The following GNPDA2 variants were observed in gnomAD, a reference collection of about 807,000 sequenced individuals.
GNPDA2 encodes glcN6P deaminase 2.
In GNPDA2, 24 loss-of-function variants were observed where a neutral mutation model predicts 27.0. The ratio of observed to expected loss-of-function variants is 0.89; its 90% CI spans 0.64 to 1.25. The LOEUF (loss-of-function observed/expected upper bound fraction) is 1.25. Ranked by LOEUF, GNPDA2 falls within the 50% of genes most tolerant of loss-of-function variation. GNPDA2 has a pLI of 0.00. For missense variants in GNPDA2, 286 were observed against 335.1 expected, an observed-to-expected ratio of 0.85 and a Z score of 1.14; for synonymous variants, 94 against 108.4, an observed-to-expected ratio of 0.87 and a Z score of 0.83.
At chr4:44,705,080 C>G (rs567741353) in intron 6 of GNPDA2, 1 of 984,800 alleles carries the variant, frequency 1.0e-6, no homozygotes, top group South Asian at 4.7e-5. Context: ...TCTAGTTAAC[C>G]TAGATCTTAT....
chr4:44,721,474 C>T (rs189011990), intron 2 of GNPDA2, among the ~76,000 whole-genome samples: 1,650 of 152,000 alleles, frequency 0.011, 9 homozygotes, highest in Middle Eastern at 0.027. Flanking sequence ...AAATAAAGTG[C>T]CATAAGATCA....
chr4:44,714,942 T>C (rs1717184165), intron 4 of GNPDA2, among the ~76,000 whole-genome samples: 1 of 152,160 alleles, frequency 6.6e-6, no homozygotes, highest in Non-Finnish European at 1.5e-5. Flanking sequence ...AAAATATATT[T>C]GGGAGCGGGG....
intron 6 of GNPDA2, chr4:44,703,729 G>A (rs982852200): frequency 8.1e-6 from 8 of 983,066 alleles, no homozygotes; most frequent in Middle Eastern, 5.2e-4. Flanking sequence ...TTTTAAATCC[G>A]GTAGATTATA....
intron 2 of GNPDA2, 109 bp downstream of exon 2, chr4:44,721,975 G>T: frequency 2.5e-6 from 2 of 801,192 alleles, no homozygotes; most frequent in South Asian, 3.7e-5. Flanking sequence ...TTCAATTAGT[G>T]ACATGCCAAT....
chr4:44,711,211 CAAAA>C (rs199631133), intron 4 of GNPDA2, 74 bp from the exon 5 acceptor site: 3 of 856,002 alleles, frequency 3.5e-6, no homozygotes, highest in Admixed American at 3.8e-5. Flanking sequence ...CGTTAAAGAA[CAAAA>C]AAAAAATCAC....
chr4:44,701,920 T>C lies in GNPDA2; in HGVS notation c.*1161A>G, dbSNP rs1716288774. ...TTTAATATTTTAAGAAACTACATTT[T>C]AATCACATAGACAAGCAGATAAGTA... On this transcript the variant is annotated 3_prime_UTR_variant, in exon 7 of 7. Transcript: ENST00000295448. 12 of 983,740 alleles carry C rather than the reference T, an allele frequency of 1.2e-5. No individual in the cohort carries two copies. The highest frequency in any genetic ancestry group is 1.4e-5 in the Non-Finnish European group (12 of 828,642). The allele number at this position is 983,740 out of a possible 1,614,324, so 60.9% of individuals were successfully genotyped here. A position where few individuals can be genotyped will look rare whatever the true frequency, so the allele number is the denominator to read the frequency against.
chr4:44,704,406 A>G, intron 6 of GNPDA2: 1 of 939,010 alleles, frequency 1.1e-6, no homozygotes, highest in Non-Finnish European at 1.3e-6. Flanking sequence ...AACAACTTTG[A>G]TTACGGAAAG....
At chr4:44,714,677 T>C in intron 4 of GNPDA2, 1 of 984,782 alleles carries the variant, frequency 1.0e-6, no homozygotes, top group Non-Finnish European at 1.2e-6. Context: ...AAAAGAAGGG[T>C]AGTTGTAAGA....
chr4:44,704,132 TG>T, intron 6 of GNPDA2: 2 of 985,134 alleles, frequency 2.0e-6, no homozygotes, highest in Non-Finnish European at 2.4e-6. Context: ...CAAAGAGTAC[TG>T]GGAAGTGTTT....
chr4:44,704,359 G>A (rs10213219), intron 6 of GNPDA2: 945,031 of 948,192 alleles, frequency 1, 471,021 homozygotes, highest in East Asian at 1. Context: ...GTAGAGGATC[G>A]TTTTTCTACT....
intron 5 of GNPDA2, among the ~76,000 whole-genome samples, chr4:44,708,198 T>C (rs1331257270): frequency 6.6e-6 from 1 of 152,176 alleles, no homozygotes; most frequent in East Asian, 1.9e-4. Flanking sequence ...TGAATGATGA[T>C]GTATAAAAGA....
chr4:44,712,221 A>C (rs1717023328), intron 4 of GNPDA2, among the ~76,000 whole-genome samples: 1 of 152,142 alleles, frequency 6.6e-6, no homozygotes, highest in South Asian at 2.1e-4. Context: ...CAGCCAAAAA[A>C]TAAATCTGCC....
At chr4:44,708,906 TC>T (rs1716791895) in intron 5 of GNPDA2, among the ~76,000 whole-genome samples, 2 of 152,118 alleles carry the variant, frequency 1.3e-5, no homozygotes, top group Non-Finnish European at 2.9e-5. Context: ...GAAATACTAT[TC>T]TTACTCATAT....
In GNPDA2 at chr4:44,702,720, T is replaced by C; in HGVS notation, c.*361A>G. 9.4e-7 allele frequency: 1 copy of C among 1,066,484 alleles called. No individual in the cohort carries two copies. Among genetic ancestry groups the C allele is most frequent in the Non-Finnish European group, 1.1e-6 (1 of 882,864 alleles). The allele number at this position is 1,066,484 out of a possible 1,614,324, so 66.1% of individuals were successfully genotyped here. ...TATCTGAAAGGTTTGGAGTGTCTTG[T>C]CATTAAAAAATGAAATATACGCCAC... On this transcript the variant is annotated 3_prime_UTR_variant, in exon 7 of 7. Transcript: ENST00000295448.
chr4:44,724,228 G>T (rs773423181), intron 1 of GNPDA2, among the ~76,000 whole-genome samples: 9 of 152,154 alleles, frequency 5.9e-5, no homozygotes, highest in Non-Finnish European at 1.0e-4. Context: ...CCTGCCCCCA[G>T]ACCTTGGTGT....
In GNPDA2 at chr4:44,717,197, C is replaced by T. The variant is rs762627150; in HGVS notation, c.325G>A (p.Gly109Arg). ...IDPNNAHILD[G>R]NAADLQAECD... ...TCTGCTTGTAAATCTGCAGCATTCC[C>T]GTCAAGGATATGTGCATTATTAGGA... The change falls in exon 4 of 7, where the codon GGG (glycine) becomes AGG (arginine). Residue 109 changes from glycine to arginine, a missense_variant. Gly to Arg is a moderately radical substitution (Grantham distance 125). Transcript: ENST00000295448. The T allele has an allele frequency of 2.5e-6, 4 of 1,605,834 alleles. No homozygotes were observed. The highest frequency in any genetic ancestry group is 2.2e-5 in the South Asian group (2 of 89,866).
At chr4:44,721,258 C>G (rs554485283) in intron 2 of GNPDA2, among the ~76,000 whole-genome samples, 5 of 152,116 alleles carry the variant, frequency 3.3e-5, no homozygotes, top group African/African-American at 1.2e-4. Context: ...ATAAAACACA[C>G]GGGAACTATA....
At chr4:44,704,786 A>G (rs1263046141) in intron 6 of GNPDA2, 1 of 984,058 alleles carries the variant, frequency 1.0e-6, no homozygotes, top group African/African-American at 1.7e-5. Flanking sequence ...AGTAACTTTT[A>G]TGGTTTTGAC....
chr4:44,710,813 G>A lies in GNPDA2; in HGVS notation c.594+140C>T. 1.1e-5 allele frequency: 7 copies of A among 617,948 alleles called. No homozygotes were observed. In the South Asian group the frequency reaches 2.0e-4, roughly 18 times the overall value. 38.3% of individuals were successfully genotyped at this position (617,948 alleles called of 1,614,324 possible). Reference sequence around the variant, plus strand: ...AAACATGTCAATGAGACTGACAAAAGTTGGTTACTGAAAACTAGAAAACAA... The same window carrying A: ...AAACATGTCAATGAGACTGACAAAAATTGGTTACTGAAAACTAGAAAACAA... On this transcript the variant is annotated intron_variant, in intron 5 of 6. Coordinates refer to ENST00000295448, the MANE Select transcript of GNPDA2 (RefSeq NM_138335.3).
Sources: allele counts gnomAD v4.1 joint callset (sites outside exome capture counted in the v4.1 genomes callset), GRCh38; gene constraint gnomAD v4.1.1; transcripts MANE v1.5; gene names NCBI Gene and HGNC (gene_info 2026-07-23, HGNC 2026-07-21).